The following NME7 variants were observed in gnomAD, a reference collection of about 807,000 sequenced individuals.
The protein encoded by NME7 is NME/NM23 family member 7, also known as nucleoside diphosphate kinase 7.
In NME7, 41 loss-of-function variants were observed where a neutral mutation model predicts 49.1. The ratio of observed to expected loss-of-function variants is 0.83; its 90% CI spans 0.65 to 1.08. The LOEUF is 1.08. Among genes scored for constraint, NME7 ranks in the 50% least tolerant of loss-of-function variants. The pLI is 0.00. For missense variants in NME7, 423 were observed against 463.4 expected, an observed-to-expected ratio of 0.91 and a Z score of 0.80; for synonymous variants, 139 against 150.6, an observed-to-expected ratio of 0.92 and a Z score of 0.56.
chr1:169,138,117 C>T (rs1424506831), intron 11 of NME7, among the ~76,000 whole-genome samples: 1 of 151,772 alleles, frequency 6.6e-6, no homozygotes, highest in Admixed American at 6.6e-5. Flanking sequence ...TTGAGACCAG[C>T]CTGGCCAACA....
In NME7 at chr1:169,132,742, T is replaced by C. The variant is rs1345990354; in HGVS notation, c.*43A>G. On this transcript the variant is annotated 3_prime_UTR_variant, in exon 12 of 12. Coordinates refer to ENST00000367811, the MANE Select transcript of NME7 (RefSeq NM_013330.5). ...ACATTCCTCGTGTGTGATTCACTCT[T>C]GTCTAAATGTCCCAACCTGTGACTT... 1.5e-5 allele frequency: 24 copies of C among 1,582,570 alleles called. No individual in the cohort carries two copies. Among genetic ancestry groups the C allele is most frequent in the Non-Finnish European group, 2.0e-5 (23 of 1,153,254 alleles).
At chr1:169,161,388 G>A (rs1408558629) in intron 11 of NME7, among the ~76,000 whole-genome samples, 1 of 152,176 alleles carries the variant, frequency 6.6e-6, no homozygotes, top group Admixed American at 6.5e-5. Context: ...GTGTCAGTAT[G>A]TGCAGAGGCC....
At chr1:169,290,137 C>G (rs549722443) in intron 6 of NME7, among the ~76,000 whole-genome samples, 2 of 151,948 alleles carry the variant, frequency 1.3e-5, no homozygotes, top group South Asian at 4.2e-4. Context: ...TAAATTTTCA[C>G]GCTGATAGGA....
intron 1 of NME7, among the ~76,000 whole-genome samples, chr1:169,324,821 T>C (rs1435601859): frequency 1.3e-5 from 2 of 152,218 alleles, no homozygotes. Context: ...AACAATTCAG[T>C]CCTTCTGAAA....
intron 2 of NME7, among the ~76,000 whole-genome samples, chr1:169,323,835 CTTTTTTTTTT>C (rs33970981): frequency 1.3e-4 from 11 of 84,260 alleles, no homozygotes; most frequent in Non-Finnish European, 1.9e-4. Flanking sequence ...CCATTTCAGT[CTTTTTTTTTT>C]TTTTTTTTTT....
chr1:169,246,435 T>G (rs1373751481), intron 7 of NME7, among the ~76,000 whole-genome samples: 1 of 152,158 alleles, frequency 6.6e-6, no homozygotes, highest in African/African-American at 2.4e-5. Context: ...AAACCCACAT[T>G]AGTAGAAAGT....
At chr1:169,261,106 T>C (rs1649145666) in intron 7 of NME7, among the ~76,000 whole-genome samples, 1 of 134,174 alleles carries the variant, frequency 7.5e-6, no homozygotes, top group South Asian at 2.3e-4. Flanking sequence ...TCTAAATTTC[T>C]TTTATAAATG....
chr1:169,333,090 T>C (rs1342428423), intron 1 of NME7, among the ~76,000 whole-genome samples: 1 of 152,162 alleles, frequency 6.6e-6, no homozygotes, highest in Non-Finnish European at 1.5e-5. Flanking sequence ...AAAGAAAATG[T>C]GGTACATATA....
chr1:169,347,031 A>T (rs1198830785), intron 1 of NME7, among the ~76,000 whole-genome samples: 2 of 152,096 alleles, frequency 1.3e-5, no homozygotes, highest in Admixed American at 6.6e-5. Flanking sequence ...AAAAATAAAA[A>T]ATATATATAA....
At position 169,266,786 on chromosome 1, in the gene NME7, G is replaced by A. The variant is rs1385667321; in HGVS notation, c.754+20517C>T. On this transcript the variant is annotated intron_variant, in intron 7 of 11. Coordinates refer to ENST00000367811, the MANE Select transcript of NME7 (RefSeq NM_013330.5). ...TACAAAATCAATTTATAAAAATCAG[G>A]GCCAGGTGCAGTGGCTCACACCTGT... Among the ~76,000 whole-genome samples the A allele has an allele frequency of 3.0e-5, 4 of 132,638 alleles. 1 individual carries two copies. The highest frequency in any genetic ancestry group is 7.1e-5 in the Non-Finnish European group (4 of 56,360). The allele number at this position is 132,638 out of a possible 152,430, so 87.0% of individuals were successfully genotyped here. A position where few individuals can be genotyped will look rare whatever the true frequency, so the allele number is the denominator to read the frequency against.
At chr1:169,241,318 C>T (rs1425000662) in intron 7 of NME7, among the ~76,000 whole-genome samples, 1 of 151,632 alleles carries the variant, frequency 6.6e-6, no homozygotes, top group Non-Finnish European at 1.5e-5. Flanking sequence ...TGCCTTGATT[C>T]GTTCTAAGGC....
intron 7 of NME7, among the ~76,000 whole-genome samples, chr1:169,276,862 T>C (rs558347767): frequency 7.5e-5 from 11 of 147,410 alleles, no homozygotes; most frequent in African/African-American, 2.7e-4. Context: ...GCTTTGAATG[T>C]GTCCCAGAGA....
chr1:169,303,660 C>G (rs563102120), intron 4 of NME7, among the ~76,000 whole-genome samples: 8 of 152,148 alleles, frequency 5.3e-5, no homozygotes, highest in Non-Finnish European at 1.0e-4. Flanking sequence ...CCATGCTGGC[C>G]AGGCTGGTCT....
intron 7 of NME7, among the ~76,000 whole-genome samples, chr1:169,242,156 T>C (rs1648115712): frequency 6.6e-6 from 1 of 151,888 alleles, no homozygotes; most frequent in Admixed American, 6.6e-5. Flanking sequence ...ATTTTAAATT[T>C]TATAAATTTA....
At chr1:169,180,781 A>C (rs879316981) in intron 10 of NME7, among the ~76,000 whole-genome samples, 1 of 152,216 alleles carries the variant, frequency 6.6e-6, no homozygotes, top group Non-Finnish European at 1.5e-5. Flanking sequence ...GTAATTAATA[A>C]AAATTATTAA....
At chr1:169,307,224 T>A (rs73034684) in intron 4 of NME7, among the ~76,000 whole-genome samples, 2,057 of 152,306 alleles carry the variant, frequency 0.014, 38 homozygotes, top group African/African-American at 0.046. Flanking sequence ...AGGAAAGGAA[T>A]GTCCCTGGAG....
chr1:169,301,078 G>T (rs997669157), intron 5 of NME7, among the ~76,000 whole-genome samples: 5 of 151,946 alleles, frequency 3.3e-5, no homozygotes, highest in African/African-American at 1.2e-4. Flanking sequence ...AACAAAAATT[G>T]ACGAGTGGGA....
At chr1:169,224,053 G>T (rs757756289) in intron 10 of NME7, among the ~76,000 whole-genome samples, 3 of 152,048 alleles carry the variant, frequency 2.0e-5, no homozygotes, top group Non-Finnish European at 4.4e-5. Context: ...TCCCATATCT[G>T]TCATCATCTA....
intron 6 of NME7, among the ~76,000 whole-genome samples, chr1:169,293,695 T>C (rs183324431): frequency 6.6e-6 from 1 of 152,296 alleles, no homozygotes; most frequent in East Asian, 1.9e-4. Context: ...CTTGGCTGTT[T>C]CATAAGTTTG....
Sources: gnomAD v4.1 joint callset for allele counts (sites outside exome capture counted in the v4.1 genomes callset) on GRCh38, gnomAD v4.1.1 for gene constraint, MANE v1.5 for transcripts, NCBI Gene and HGNC (gene_info 2026-07-23, HGNC 2026-07-21) for gene names.